JADE1: variants seen among roughly 807,000 people sequenced by gnomAD.
JADE1 encodes jade family PHD finger 1, also known as protein Jade-1.
A neutral mutation model predicts 81.8 loss-of-function variants in JADE1; 14 were observed. That is an observed-to-expected ratio of 0.17 (90% CI 0.11 to 0.27). The LOEUF is 0.27. JADE1 is among the 10% of genes least tolerant of loss of function. JADE1 has a pLI of 1.00. For missense variants in JADE1, 690 were observed against 1,047.9 expected (o/e 0.66, Z 4.71); for synonymous variants, 353 against 391.9 (o/e 0.90, Z 1.17).
intron 6 of JADE1, among the ~76,000 whole-genome samples, chr4:128,855,143 A>AT (rs1206968521): frequency 6.6e-6 from 1 of 151,800 alleles, no homozygotes; most frequent in Non-Finnish European, 1.5e-5. Context: ...GCTTTGGGAG[A>AT]TTCTCTCAGC....
At chr4:128,857,072 C>T (rs1230422965) in intron 7 of JADE1, among the ~76,000 whole-genome samples, 14 of 152,154 alleles carry the variant, frequency 9.2e-5, no homozygotes, top group Non-Finnish European at 2.1e-4. Context: ...TCTTTGTCAT[C>T]AGACGCTCCG....
rs1245058889 is a variant in JADE1, at chr4:128,861,843, C to A, written c.1121C>A (p.Pro374His). The A allele has an allele frequency of 6.2e-7, 1 of 1,614,152 alleles. No homozygotes were observed. The highest frequency in any genetic ancestry group is 1.1e-5 in the South Asian group (1 of 91,086). Reference sequence around the variant, plus strand: ...CCAAAGCACAGCTCACATAGGAAACCCGAGGAGAGTCTTGGCAAGGGGGCT... The same window carrying A: ...CCAAAGCACAGCTCACATAGGAAACACGAGGAGAGTCTTGGCAAGGGGGCT... ...YCPKHSSHRK[P>H]EESLGKGAAQ... Residue 374 changes from proline to histidine, a missense_variant, in exon 9 of 11, where the codon CCC becomes CAC. By Grantham distance (77) the Pro-to-His change is moderately conservative. This residue lies in a region of JADE1 where 77 missense variants were observed against 76.4 expected (regional missense o/e 1.01). Transcript: ENST00000226319.
At chr4:128,852,024 T>C in intron 5 of JADE1, 33 bp from the exon 6 acceptor site, 3 of 1,391,062 alleles carry the variant, frequency 2.2e-6, no homozygotes, top group Non-Finnish European at 3.1e-6. Context: ...TATGGATTTA[T>C]TAAAATGGGT....
chr4:128,817,013 C>T (rs1279036681), intron 1 of JADE1, among the ~76,000 whole-genome samples: 2 of 151,628 alleles, frequency 1.3e-5, no homozygotes, highest in African/African-American at 2.4e-5. Context: ...CGCATGCCGC[C>T]GTGTCTGTCT....
Position 128,817,769 on chromosome 4 carries a change from G to A in JADE1, c.-27+7892G>A, listed in dbSNP as rs147270787. Among the ~76,000 whole-genome samples, 469 of 152,282 alleles carry A rather than the reference G, an allele frequency of 3.1e-3. 3 individuals carry two copies. Among genetic ancestry groups the A allele is most frequent in the Non-Finnish European group, 5.6e-3 (382 of 68,006 alleles). The stretch of plus-strand genomic sequence containing the variant: ...ACACTTGACACTGAAACCCATGGAA[G>A]CTCTCCCCCAGAAAACATGGGTGTT... On this transcript the variant is annotated intron_variant, in intron 1 of 10. Transcript: ENST00000226319.
chr4:128,814,664 C>T (rs1055252059), intron 1 of JADE1, among the ~76,000 whole-genome samples: 2 of 150,588 alleles, frequency 1.3e-5, no homozygotes, highest in Non-Finnish European at 2.9e-5. Context: ...CAGGTTCAAG[C>T]GATTCTCCTG....
Position 128,843,008 on chromosome 4 carries a change from C to G in JADE1, c.108C>G (p.Cys36Trp). Residue 36 changes from cysteine to tryptophan, a missense_variant, in exon 3 of 11, where the codon TGC becomes TGG. Physicochemically the swap from Cys to Trp is radical, Grantham distance 215. Transcript: ENST00000226319. ...GATCCCAGCATAGGAGAAGCTCCTG[C>G]TCCAGACATGAAGATCGAAAGCCTT... ...NSRSQHRRSS[C>W]SRHEDRKPSE... is the part of the protein sequence containing the mutation. 6.2e-7 allele frequency: 1 copy of G among 1,614,072 alleles called. No individual in the cohort carries two copies. Among genetic ancestry groups the G allele is most frequent in the African/African-American group, 1.3e-5 (1 of 75,058 alleles).
intron 1 of JADE1, among the ~76,000 whole-genome samples, chr4:128,815,892 T>C (rs553364478): frequency 6.6e-6 from 1 of 152,332 alleles, no homozygotes; most frequent in East Asian, 1.9e-4. Flanking sequence ...CCTTGCTTTT[T>C]ATTTGGGTTG....
rs554174292 is a variant in JADE1 at position 128,873,950 on chromosome 4, C to G, written c.*1688C>G. On this transcript the variant is annotated 3_prime_UTR_variant, in exon 11 of 11. Transcript: ENST00000226319. ...ATCTGATACATCCCCATTGTATGTA[C>G]GACATTTTCAAACCAAGTCTTAACT... The G allele has an allele frequency of 2.0e-5, 3 of 152,680 alleles. No homozygotes were observed. The highest frequency in any genetic ancestry group is 2.1e-4 in the South Asian group (1 of 4,828). The allele number at this position is 152,680 out of a possible 1,614,324, so 9.5% of individuals were successfully genotyped here.
At chr4:128,812,152 G>GGGC (rs1398052527) in intron 1 of JADE1, among the ~76,000 whole-genome samples, 8 of 151,918 alleles carry the variant, frequency 5.3e-5, no homozygotes, top group Non-Finnish European at 1.2e-4. Flanking sequence ...CAAATGGAGA[G>GGGC]GGCGGCGGCG....
intron 10 of JADE1, among the ~76,000 whole-genome samples, chr4:128,868,370 G>T (rs932420626): frequency 2.4e-4 from 36 of 152,124 alleles, no homozygotes; most frequent in Non-Finnish European, 2.8e-4. Context: ...TTCAGCCTTG[G>T]GCTCTATCTG....
chr4:128,823,473 T>G (rs1043295429), intron 1 of JADE1, among the ~76,000 whole-genome samples: 2 of 152,232 alleles, frequency 1.3e-5, no homozygotes, highest in Non-Finnish European at 2.9e-5. Context: ...ATTATAGTTA[T>G]TTATTATGTG....
At chr4:128,820,518 T>C (rs1018427943) in intron 1 of JADE1, among the ~76,000 whole-genome samples, 1 of 152,202 alleles carries the variant, frequency 6.6e-6, no homozygotes, top group South Asian at 2.1e-4. Context: ...TTTCTAGACC[T>C]TGCTTCTAGG....
intron 8 of JADE1, among the ~76,000 whole-genome samples, chr4:128,858,125 G>A (rs769330206): frequency 2.0e-5 from 3 of 152,116 alleles, no homozygotes; most frequent in East Asian, 3.9e-4. Flanking sequence ...GAAAGAGTGC[G>A]TGCACACCTG....
At position 128,854,064 on chromosome 4, in the gene JADE1, T is replaced by C. The variant is rs975096390; in HGVS notation, c.697-1566T>C. ...TACTTGGCTGACTTCTCAGTCTTTT[T>C]CTTGTCTTTACTTGCTATTTTTTTC... is the stretch of plus-strand genomic sequence containing the variant. On this transcript the variant is annotated intron_variant, in intron 6 of 10. Transcript: ENST00000226319. Among the ~76,000 whole-genome samples, 4 of 152,228 alleles carry C rather than the reference T, an allele frequency of 2.6e-5. No homozygotes were observed. The South Asian group carries it at 6.2e-4, about 24-fold the overall frequency.
intron 1 of JADE1, among the ~76,000 whole-genome samples, chr4:128,812,244 G>A (rs1282951287): frequency 6.6e-6 from 1 of 152,098 alleles, no homozygotes; most frequent in Non-Finnish European, 1.5e-5. Context: ...AATTCCGGCG[G>A]AGGTGCCGGG....
chr4:128,811,086 T>C (rs1306582426), intron 1 of JADE1, among the ~76,000 whole-genome samples: 1 of 152,146 alleles, frequency 6.6e-6, no homozygotes, highest in African/African-American at 2.4e-5. Context: ...TTGGGGGCTG[T>C]TGTTCGGTAG....
chr4:128,838,126 C>T (rs764697327), intron 2 of JADE1, among the ~76,000 whole-genome samples: 4 of 152,016 alleles, frequency 2.6e-5, no homozygotes, highest in African/African-American at 4.8e-5. Context: ...ACGTTGTGCC[C>T]GGGCAGGGTC....
rs370191249 is a variant in JADE1, at chr4:128,851,246, CTA to C, written c.485-809_485-808del. 2.2e-4 allele frequency among the ~76,000 whole-genome samples: 34 copies of C among 152,298 alleles called. 1 individual carries two copies. The highest frequency in any genetic ancestry group is 7.5e-4 in the African/African-American group (31 of 41,550). ...TTCAGTCTTTTTTGCATTTGGTTAA[CTA>C]TGTTTTTCAACCTTGTAGAAGTAAG... On this transcript the variant is annotated intron_variant, in intron 5 of 10. Coordinates refer to ENST00000226319, the MANE Select transcript of JADE1 (RefSeq NM_199320.4).
Sources: allele counts gnomAD v4.1 joint callset (sites outside exome capture counted in the v4.1 genomes callset), GRCh38; gene constraint gnomAD v4.1.1; regional missense constraint gnomAD v4.1.1; transcripts MANE v1.5; gene names NCBI Gene and HGNC (gene_info 2026-07-23, HGNC 2026-07-21).